GTPBP1: variants seen among roughly 807,000 people sequenced by gnomAD.
The protein encoded by GTPBP1 is GTP binding protein 1, also known as GTP-binding protein 1.
Under a neutral mutation model 62.0 loss-of-function variants are expected in GTPBP1, and 23 were observed. The ratio of observed to expected loss-of-function variants is 0.37; its 90% CI spans 0.27 to 0.53. GTPBP1 has a LOEUF of 0.53. GTPBP1 is among the 20% of genes least tolerant of loss of function. The probability of loss-of-function intolerance (pLI) is 0.89; values close to 1 mark genes in which losing one functional copy is unlikely to be tolerated. For synonymous variants in GTPBP1, 344 were observed against 364.4 expected, an observed-to-expected ratio of 0.94 and a Z score of 0.64; for missense variants, 640 against 917.3, an observed-to-expected ratio of 0.70 and a Z score of 3.90.
chr22:38,738,027 T>G, downstream of GTPBP1: 2 of 769,948 alleles, frequency 2.6e-6, no homozygotes, highest in African/African-American at 1.7e-5. This position sits in a 1 kb window ranked among gnomAD's most constrained non-coding sequence, Gnocchi z 6.6. Flanking sequence ...TTACACCCCA[T>G]TTGGATATCA....
chr22:38,712,045 T>A (rs1329509778), intron 2 of GTPBP1, among the ~76,000 whole-genome samples: 1 of 152,012 alleles, frequency 6.6e-6, no homozygotes, highest in Non-Finnish European at 1.5e-5. Context: ...CACGCCTGGC[T>A]AATTTTTGTA....
At chr22:38,710,869 G>C (rs1166838144) in intron 2 of GTPBP1, among the ~76,000 whole-genome samples, 1 of 152,022 alleles carries the variant, frequency 6.6e-6, no homozygotes, top group Non-Finnish European at 1.5e-5. Context: ...ACCATGCCTT[G>C]ACAACTCACA....
Position 38,730,804 on chromosome 22 carries a change from G to A in GTPBP1, c.*100G>A, listed in dbSNP as rs1199237490. 1.7e-5 allele frequency: 11 copies of A among 650,054 alleles called. No homozygotes were observed. Among genetic ancestry groups the A allele is most frequent in the South Asian group, 1.2e-4 (6 of 51,646 alleles). The allele number at this position is 650,054 out of a possible 1,614,324, so 40.3% of individuals were successfully genotyped here. A position where few individuals can be genotyped will look rare whatever the true frequency, so the allele number is the denominator to read the frequency against. On this transcript the variant is annotated 3_prime_UTR_variant, in exon 12 of 12. Coordinates refer to ENST00000216044, the MANE Select transcript of GTPBP1 (RefSeq NM_004286.5). The surrounding 1 kb of genome is among the most constrained non-coding windows in gnomAD (Gnocchi z 5.6). ...GCTATGACCGCCACCCAGCCCTCCC[G>A]CTCAGGCCACAGCCGGAGCCTCCGC...
At chr22:38,724,831 T>C (rs1442591641) in intron 6 of GTPBP1, among the ~76,000 whole-genome samples, 1 of 152,224 alleles carries the variant, frequency 6.6e-6, no homozygotes, top group Non-Finnish European at 1.5e-5. Context: ...TTTTATACTG[T>C]TGTTCCTCAA....
chr22:38,738,742 G>A, downstream of GTPBP1: 2 of 1,613,532 alleles, frequency 1.2e-6, no homozygotes, highest in Non-Finnish European at 1.7e-6. This position sits in a 1 kb window ranked among gnomAD's most constrained non-coding sequence, Gnocchi z 6.6. Context: ...CAGTTGCCTG[G>A]GTGCACATCT....
chr22:38,739,678 G>A (rs2092837317), downstream of GTPBP1: 1 of 1,595,492 alleles, frequency 6.3e-7, no homozygotes, highest in Non-Finnish European at 8.6e-7. This position sits in a 1 kb window ranked among gnomAD's most constrained non-coding sequence, Gnocchi z 6.7. Context: ...TCCCAGGGAG[G>A]AGAGCTGTGG....
intron 2 of GTPBP1, among the ~76,000 whole-genome samples, chr22:38,713,542 G>A (rs1221655007): frequency 6.6e-6 from 1 of 152,140 alleles, no homozygotes; most frequent in East Asian, 1.9e-4. Flanking sequence ...AGAATCATCA[G>A]GACTGGACTG....
downstream of GTPBP1, chr22:38,739,370 C>A: frequency 6.2e-7 from 1 of 1,613,144 alleles, no homozygotes; most frequent in Non-Finnish European, 8.5e-7. The surrounding 1 kb of genome is among the most constrained non-coding windows in gnomAD (Gnocchi z 6.7). Context: ...AGTCTGCCAG[C>A]CCGATGCGGT....
intron 4 of GTPBP1, among the ~76,000 whole-genome samples, chr22:38,718,255 A>T (rs999993158): frequency 6.6e-6 from 1 of 152,168 alleles, no homozygotes; most frequent in Non-Finnish European, 1.5e-5. Flanking sequence ...TGTTGGGTTG[A>T]TATTAAGAAG....
chr22:38,721,953 C>T (rs1892176123), intron 5 of GTPBP1, 88 bp downstream of exon 5: 2 of 858,632 alleles, frequency 2.3e-6, no homozygotes, highest in Non-Finnish European at 3.4e-6. Context: ...ACGGCTTTAG[C>T]CCAGAAACTT....
At chr22:38,713,335 C>A (rs973842728) in intron 2 of GTPBP1, among the ~76,000 whole-genome samples, 4 of 152,158 alleles carry the variant, frequency 2.6e-5, no homozygotes, top group Admixed American at 6.5e-5. Context: ...TAAGCTTTGA[C>A]TTGAAGTGAC....
intron 2 of GTPBP1, among the ~76,000 whole-genome samples, chr22:38,714,051 G>C (rs1180694688): frequency 6.6e-6 from 1 of 152,204 alleles, no homozygotes; most frequent in African/African-American, 2.4e-5. Flanking sequence ...GGACGGGGTG[G>C]GGAGGCACAT....
intron 2 of GTPBP1, among the ~76,000 whole-genome samples, chr22:38,709,209 T>A (rs918345128): frequency 6.6e-6 from 1 of 152,118 alleles, no homozygotes; most frequent in African/African-American, 2.4e-5. Flanking sequence ...GAAGAATTGC[T>A]TGAACCTGGG....
At chr22:38,717,037 C>G in intron 4 of GTPBP1, 37 bp downstream of exon 4, 1 of 1,317,166 alleles carries the variant, frequency 7.6e-7, no homozygotes, top group African/African-American at 1.4e-5. Flanking sequence ...GAGGCGTCAG[C>G]AGGGCTGCTT....
downstream of GTPBP1, chr22:38,735,731 AGGT>A (rs2092799374): frequency 6.2e-6 from 1 of 162,266 alleles, no homozygotes; most frequent in African/African-American, 2.4e-5. Context: ...ATGCTTCCCT[AGGT>A]GGAGGGCACT....
At chr22:38,737,093 C>T (rs1355093472), downstream of GTPBP1, among the ~76,000 whole-genome samples, 1 of 152,218 alleles carries the variant, frequency 6.6e-6, no homozygotes, top group African/African-American at 2.4e-5. The surrounding 1 kb of genome is among the most constrained non-coding windows in gnomAD (Gnocchi z 4.1). Flanking sequence ...GCAATCCCCT[C>T]GCCTTGGCCT....
chr22:38,738,640 C>G (rs1021027363), downstream of GTPBP1: 57 of 1,613,892 alleles, frequency 3.5e-5, no homozygotes, highest in Non-Finnish European at 4.6e-5. The surrounding 1 kb of genome is among the most constrained non-coding windows in gnomAD (Gnocchi z 6.6). Flanking sequence ...GGTGACAAGG[C>G]CTTGGGCACA....
chr22:38,718,835 G>C (rs1035725056), intron 4 of GTPBP1, among the ~76,000 whole-genome samples: 1 of 152,184 alleles, frequency 6.6e-6, no homozygotes, highest in African/African-American at 2.4e-5. Context: ...TTTGTACTCA[G>C]ATCAGCAAAT....
Position 38,716,637 on chromosome 22 carries a change from T to C in GTPBP1, c.486-15T>C. On this transcript the variant is annotated splice_polypyrimidine_tract_variant and intron_variant, in intron 3 of 11. Coordinates refer to ENST00000216044, the MANE Select transcript of GTPBP1 (RefSeq NM_004286.5). The surrounding 1 kb of genome is among the most constrained non-coding windows in gnomAD (Gnocchi z 5.2). Reference sequence around the variant, plus strand: ...ACTAACTCTCACATAGATGTATGGGTTCATCTACACGCAGGGTAGCAGTGG... The same window carrying C: ...ACTAACTCTCACATAGATGTATGGGCTCATCTACACGCAGGGTAGCAGTGG... 1 of 1,584,434 alleles carries C rather than the reference T, an allele frequency of 6.3e-7. No homozygotes were observed. The highest frequency in any genetic ancestry group is 8.6e-7 in the Non-Finnish European group (1 of 1,157,670).
Sources: allele counts gnomAD v4.1 joint callset (sites outside exome capture counted in the v4.1 genomes callset), GRCh38; gene constraint gnomAD v4.1.1; non-coding constraint Gnocchi (gnomAD v3.1); transcripts MANE v1.5; gene names NCBI Gene and HGNC (gene_info 2026-07-23, HGNC 2026-07-21).